Variants in SLC25A13 observed in about 807,000 individuals in gnomAD.
SLC25A13 encodes the protein electrogenic aspartate/glutamate antiporter SLC25A13, mitochondrial.
In SLC25A13, 70 loss-of-function variants were observed where a neutral mutation model predicts 85.5. The observed-to-expected ratio is 0.82, with a 90% CI of 0.68 to 1.00. The LOEUF (loss-of-function observed/expected upper bound fraction) is 1.00, where lower values mean the gene tolerates loss of function less well. SLC25A13 is among the 50% of genes least tolerant of loss of function. The pLI is 0.00. For synonymous variants in SLC25A13, 259 were observed against 288.7 expected (o/e 0.90, Z 1.04); for missense variants, 765 against 819.8 (o/e 0.93, Z 0.82).
At chr7:96,291,604 C>T (rs191881492) in intron 2 of SLC25A13, among the ~76,000 whole-genome samples, 182 of 152,112 alleles carry the variant, frequency 1.2e-3, no homozygotes, top group East Asian at 4.1e-3. Flanking sequence ...ATATCTCCAC[C>T]GATCCCACAG....
intron 2 of SLC25A13, among the ~76,000 whole-genome samples, chr7:96,295,540 TCA>T (rs1268562014): frequency 2.0e-5 from 3 of 152,164 alleles, no homozygotes; most frequent in Non-Finnish European, 4.4e-5. Context: ...TAAAAATGTT[TCA>T]GTGTATATCT....
chr7:96,261,172 G>C (rs1028726977), intron 3 of SLC25A13, among the ~76,000 whole-genome samples: 1 of 152,000 alleles, frequency 6.6e-6, no homozygotes, highest in Admixed American at 6.6e-5. Context: ...TTGCCCAAAT[G>C]TCACTTTTCA....
Position 96,176,069 on chromosome 7 carries a change from T to C in SLC25A13, c.1178-4545A>G, listed in dbSNP as rs1584412565. Among the ~76,000 whole-genome samples, 4 of 152,186 alleles carry C rather than the reference T, an allele frequency of 2.6e-5. No individual in the cohort carries two copies. The South Asian group carries it at 8.3e-4, about 32-fold the overall frequency. On this transcript the variant is annotated intron_variant, in intron 11 of 17. Transcript: ENST00000265631. ...GTAAATGGTCTTTGTAAGAAGGTCATGATCTGTGAAACAATGAAAAGTCAA... is the reference window on the plus strand; with the variant it reads ...GTAAATGGTCTTTGTAAGAAGGTCACGATCTGTGAAACAATGAAAAGTCAA...
At chr7:96,201,502 A>T (rs1795254592) in intron 5 of SLC25A13, among the ~76,000 whole-genome samples, 1 of 91,550 alleles carries the variant, frequency 1.1e-5, no homozygotes, top group Admixed American at 1.4e-4. Flanking sequence ...ACAGAGTGAG[A>T]CTCTGTCTCA....
intron 5 of SLC25A13, among the ~76,000 whole-genome samples, chr7:96,194,451 A>AAAAAAAAAAAAAAAAAAAAAAG (rs1794982910): frequency 6.9e-6 from 1 of 145,514 alleles, no homozygotes; most frequent in Non-Finnish European, 1.5e-5. Flanking sequence ...TCAAAAAAAA[A>AAAAAAAAAAAAAAAAAAAAAAG]AAAAAAAAAA....
intron 3 of SLC25A13, among the ~76,000 whole-genome samples, chr7:96,237,755 G>A (rs1252423938): frequency 6.6e-6 from 1 of 152,152 alleles, no homozygotes; most frequent in Non-Finnish European, 1.5e-5. Flanking sequence ...CTGGATGTTG[G>A]AGGCCAAGGC....
chr7:96,228,979 G>A (rs1364105302), intron 4 of SLC25A13, among the ~76,000 whole-genome samples: 3 of 152,172 alleles, frequency 2.0e-5, no homozygotes, highest in Admixed American at 1.3e-4. Context: ...AGCCCGCCAT[G>A]CCCAAGTCCC....
In SLC25A13 at chr7:96,121,699, A is replaced by T. The variant is rs757177279; in HGVS notation, c.1797T>A (p.Thr599=). 1.2e-5 allele frequency: 19 copies of T among 1,614,106 alleles called. No individual in the cohort carries two copies. In the South Asian group the frequency reaches 1.8e-4, roughly 15 times the overall value. ...AGAACCATCGCTGTAGCAATTCGTAAGTCAGCAAAGTTACACCAAACTGGG... is the reference window on the plus strand; with the variant it reads ...AGAACCATCGCTGTAGCAATTCGTATGTCAGCAAAGTTACACCAAACTGGG... ...SSPQFGVTLL[T]YELLQRWFYI... The change falls in exon 17 of 18, where the codon ACT becomes ACA. Residue 599 remains threonine, a synonymous_variant. Coordinates refer to ENST00000265631, the MANE Select transcript of SLC25A13 (RefSeq NM_014251.3).
intron 11 of SLC25A13, among the ~76,000 whole-genome samples, chr7:96,172,085 A>G (rs981929169): frequency 6.6e-6 from 1 of 152,220 alleles, no homozygotes; most frequent in African/African-American, 2.4e-5. Context: ...ACAATTTTCT[A>G]ATTTATCTAT....
chr7:96,191,171 T>C lies in SLC25A13; in HGVS notation c.692A>G (p.Glu231Gly). The C allele has an allele frequency of 5.6e-6, 9 of 1,614,102 alleles. No individual in the cohort carries two copies. Among genetic ancestry groups the C allele is most frequent in the Non-Finnish European group, 7.6e-6 (9 of 1,180,000 alleles). Residue 231 changes from glutamate (E) to glycine (G), a missense_variant, in exon 7 of 18, where the codon GAA (glutamate) becomes GGA (glycine). Physicochemically the swap from Glu to Gly is moderately conservative, Grantham distance 98 (BLOSUM62 -2). Transcript: ENST00000265631. The part of the protein sequence containing the change: ...NGFNSLLNNM[E>G]LIRKIYSTLA... ...AGTGCTATAGATCTTTCTAATGAGT[T>C]CCATGTTGTTAAGGAGCGAATTAAA...
At chr7:96,154,613 T>C (rs1793182407) in intron 13 of SLC25A13, among the ~76,000 whole-genome samples, 1 of 152,018 alleles carries the variant, frequency 6.6e-6, no homozygotes, top group African/African-American at 2.4e-5. Flanking sequence ...CTTAAAAAGG[T>C]AGATAAAATG....
chr7:96,259,134 A>G (rs1026531286), intron 3 of SLC25A13, among the ~76,000 whole-genome samples: 3 of 152,230 alleles, frequency 2.0e-5, no homozygotes, highest in Admixed American at 2.0e-4. Flanking sequence ...AGGCAATACC[A>G]TTCAGACATA....
chr7:96,286,224 G>A (rs1467047077), intron 2 of SLC25A13, among the ~76,000 whole-genome samples: 4 of 149,754 alleles, frequency 2.7e-5, no homozygotes, highest in African/African-American at 9.9e-5. Flanking sequence ...GGCAGAGCTT[G>A]CAGTGAGCCA....
intron 2 of SLC25A13, among the ~76,000 whole-genome samples, chr7:96,295,937 T>C (rs1265892945): frequency 6.6e-6 from 1 of 151,858 alleles, no homozygotes; most frequent in East Asian, 1.9e-4. Context: ...AAAGTGGCCT[T>C]TTCTTTTCTG....
chr7:96,152,548 A>G (rs534153717), intron 13 of SLC25A13, among the ~76,000 whole-genome samples: 3 of 152,206 alleles, frequency 2.0e-5, no homozygotes, highest in Non-Finnish European at 4.4e-5. Context: ...AAAGGATCCA[A>G]GTTTTTGCTG....
At chr7:96,171,551 T>C in intron 11 of SLC25A13, 27 bp from the exon 12 acceptor site, 1 of 1,590,708 alleles carries the variant, frequency 6.3e-7, no homozygotes, top group Non-Finnish European at 8.6e-7. Flanking sequence ...AGTAGAAGTA[T>C]ATTAAATAAA....
intron 5 of SLC25A13, among the ~76,000 whole-genome samples, chr7:96,203,647 T>A (rs1468136285): frequency 1.3e-5 from 2 of 152,214 alleles, no homozygotes; most frequent in Admixed American, 6.5e-5. Flanking sequence ...AATTTTGTAG[T>A]AATCCTAGAC....
At chr7:96,187,340 T>C (rs572325780) in intron 9 of SLC25A13, among the ~76,000 whole-genome samples, 32 of 152,330 alleles carry the variant, frequency 2.1e-4, no homozygotes, top group Non-Finnish European at 3.8e-4. Flanking sequence ...ACAATTCTAA[T>C]ACAATGAGAT....
chr7:96,231,625 C>T (rs564117904), intron 4 of SLC25A13, among the ~76,000 whole-genome samples: 1 of 151,616 alleles, frequency 6.6e-6, no homozygotes, highest in Admixed American at 6.6e-5. Context: ...TCGAGAAACT[C>T]AGGCAGGAGA....
Sources: allele counts gnomAD v4.1 joint callset (sites outside exome capture counted in the v4.1 genomes callset), GRCh38; gene constraint gnomAD v4.1.1; transcripts MANE v1.5; gene names NCBI Gene and HGNC (gene_info 2026-07-23, HGNC 2026-07-21).